GFPT2: variants seen among roughly 807,000 people sequenced by gnomAD.
The protein encoded by GFPT2 is glutamine--fructose-6-phosphate transaminase 2, also known as glutamine--fructose-6-phosphate aminotransferase [isomerizing] 2.
Under a neutral mutation model 85.6 loss-of-function variants are expected in GFPT2, and 62 were observed. The observed-to-expected ratio is 0.72, with a 90% confidence interval of 0.59 to 0.90. The LOEUF is 0.90. Among genes scored for constraint, GFPT2 ranks in the 40% least tolerant of loss-of-function variants. The pLI is 0.00. For synonymous variants in GFPT2, 368 were observed against 344.5 expected, an observed-to-expected ratio of 1.07 and a Z score of -0.75; for missense variants, 788 against 893.4, an observed-to-expected ratio of 0.88 and a Z score of 1.50.
chr5:180,310,832 C>CAAAAAAAAAA (rs3080055), intron 15 of GFPT2, among the ~76,000 whole-genome samples: 2 of 50,582 alleles, frequency 4.0e-5, no homozygotes, highest in Non-Finnish European at 3.3e-5. Context: ...TGGACACAGG[C>CAAAAAAAAAA]AAAAAAAAAA....
intron 1 of GFPT2, among the ~76,000 whole-genome samples, chr5:180,348,858 C>T (rs1764659202): frequency 6.6e-6 from 1 of 151,620 alleles, no homozygotes; most frequent in African/African-American, 2.4e-5. Flanking sequence ...TCTCCTGCCT[C>T]TCCTTCCCGA....
rs1764157806 is a variant in GFPT2 at position 180,323,370 on chromosome 5, G to C, written c.794+818C>G. 6.6e-6 allele frequency among the ~76,000 whole-genome samples: 1 copy of C among 152,088 alleles called. No individual in the cohort carries two copies. Among genetic ancestry groups the C allele is most frequent in the Admixed American group, 6.6e-5 (1 of 15,266 alleles). On this transcript the variant is annotated intron_variant, in intron 9 of 18. Transcript: ENST00000253778. The surrounding 1 kb of genome is among the most constrained non-coding windows in gnomAD (Gnocchi z 4.0). Reference sequence around the variant, plus strand: ...GGAGACCCGGCCTGGTGTCCTCCCTGCCTCACAGCACGGCCCTATTAGAGG... The same window carrying C: ...GGAGACCCGGCCTGGTGTCCTCCCTCCCTCACAGCACGGCCCTATTAGAGG...
In GFPT2 at chr5:180,318,328, G is replaced by A. The variant is rs1379064259; in HGVS notation, c.958+465C>T. On this transcript the variant is annotated intron_variant, in intron 10 of 18. Coordinates refer to ENST00000253778, the MANE Select transcript of GFPT2 (RefSeq NM_005110.4). The surrounding 1 kb of genome is among the most constrained non-coding windows in gnomAD (Gnocchi z 4.2). Reference sequence around the variant, plus strand: ...CTTGAGCAGCGGGATGATCACAGGGGCTGATTCATGTTCTTAGACGTTTGC... The same window carrying A: ...CTTGAGCAGCGGGATGATCACAGGGACTGATTCATGTTCTTAGACGTTTGC... Among the ~76,000 whole-genome samples the A allele has an allele frequency of 6.6e-6, 1 of 152,166 alleles. No homozygotes were observed. The highest frequency in any genetic ancestry group is 1.5e-5 in the Non-Finnish European group (1 of 68,024).
chr5:180,331,984 C>T (rs766919960), intron 4 of GFPT2, among the ~76,000 whole-genome samples: 2 of 152,208 alleles, frequency 1.3e-5, no homozygotes, highest in Non-Finnish European at 1.5e-5. Flanking sequence ...AGTCCAGCAC[C>T]GTGCTGTGTT....
chr5:180,307,350 T>G, intron 15 of GFPT2, 47 bp from the exon 16 acceptor site: 1 of 1,600,368 alleles, frequency 6.2e-7, no homozygotes, highest in Non-Finnish European at 8.6e-7. Flanking sequence ...AGGCCGACTT[T>G]AAAGCAATAT....
At chr5:180,350,240 T>A (rs1764688485) in intron 1 of GFPT2, among the ~76,000 whole-genome samples, 2 of 152,192 alleles carry the variant, frequency 1.3e-5, no homozygotes, top group Non-Finnish European at 2.9e-5. Context: ...ACCCAGGCCC[T>A]ATTTGGAAAT....
chr5:180,345,785 G>A (rs889414224), intron 1 of GFPT2, among the ~76,000 whole-genome samples: 1 of 152,144 alleles, frequency 6.6e-6, no homozygotes, highest in African/African-American at 2.4e-5. Context: ...GGTAGCCTTT[G>A]AGCTGGGTCT....
At chr5:180,335,231 G>A (rs922424904) in intron 4 of GFPT2, among the ~76,000 whole-genome samples, 1 of 152,218 alleles carries the variant, frequency 6.6e-6, no homozygotes, top group Non-Finnish European at 1.5e-5. Context: ...AGAACATGAA[G>A]CAAGCTGAGT....
chr5:180,307,975 G>A (rs1181855930), intron 15 of GFPT2, among the ~76,000 whole-genome samples: 1 of 152,154 alleles, frequency 6.6e-6, no homozygotes, highest in African/African-American at 2.4e-5. Context: ...AGCCGGGCGT[G>A]GTTGGGTGCG....
At chr5:180,349,098 A>G (rs1764662728) in intron 1 of GFPT2, among the ~76,000 whole-genome samples, 1 of 151,924 alleles carries the variant, frequency 6.6e-6, no homozygotes, top group Non-Finnish European at 1.5e-5. Context: ...AGTTTCACCA[A>G]AAACAAAGAG....
At chr5:180,337,172 C>T (rs1373801264) in intron 2 of GFPT2, among the ~76,000 whole-genome samples, 1 of 152,146 alleles carries the variant, frequency 6.6e-6, no homozygotes, top group African/African-American at 2.4e-5. Flanking sequence ...AGTTTAGGAT[C>T]GGCCGGGTGC....
intron 17 of GFPT2, among the ~76,000 whole-genome samples, chr5:180,303,901 T>C (rs1380932924): frequency 1.3e-5 from 2 of 152,170 alleles, no homozygotes; most frequent in East Asian, 3.9e-4. Flanking sequence ...GGATGGCGTC[T>C]GGCCCTGCTA....
chr5:180,338,468 AC>A lies in GFPT2; in HGVS notation c.115+24del, dbSNP rs778567754. 21 of 1,354,910 alleles carry A rather than the reference AC, an allele frequency of 1.5e-5. No individual in the cohort carries two copies. In the Middle Eastern group the frequency reaches 6.6e-4, roughly 43 times the overall value. The allele number at this position is 1,354,910 out of a possible 1,614,324, so 83.9% of individuals were successfully genotyped here. A position where few individuals can be genotyped will look rare whatever the true frequency, so the allele number is the denominator to read the frequency against. Reference sequence around the variant, plus strand: ...CAGCAGCGGAGCCCGGTCCCCAGCCACGAGGCGGGCGGCCGCACACCCACCT... The same window carrying A: ...CAGCAGCGGAGCCCGGTCCCCAGCCAGAGGCGGGCGGCCGCACACCCACCT... On this transcript the variant is annotated intron_variant, in intron 2 of 18. Transcript: ENST00000253778.
chr5:180,318,680 C>T lies in GFPT2; in HGVS notation c.958+113G>A. 1.1e-6 allele frequency: 1 copy of T among 894,470 alleles called. No homozygotes were observed. Among genetic ancestry groups the T allele is most frequent in the Non-Finnish European group, 1.7e-6 (1 of 576,954 alleles). The allele number at this position is 894,470 out of a possible 1,614,324, so 55.4% of individuals were successfully genotyped here. On this transcript the variant is annotated intron_variant, in intron 10 of 18. Transcript: ENST00000253778. This position sits in a 1 kb window ranked among gnomAD's most constrained non-coding sequence, Gnocchi z 4.2. The stretch of plus-strand genomic sequence containing the variant: ...GCTACCTGCAGCCCCGCCCTGGTGG[C>T]CACAGAGGGCAGGAGGGCTGTGGCC...
At chr5:180,304,680 C>A in intron 17 of GFPT2, 92 bp downstream of exon 17, 1 of 1,181,930 alleles carries the variant, frequency 8.5e-7, no homozygotes, top group South Asian at 1.4e-5. Flanking sequence ...CTGGCCAGAC[C>A]ATCCATCACT....
intron 13 of GFPT2, 72 bp downstream of exon 13, chr5:180,316,264 TAACTG>T (rs1764006921): frequency 6.8e-7 from 1 of 1,476,392 alleles, no homozygotes; most frequent in African/African-American, 1.4e-5. Context: ...GCAGAGGACT[TAACTG>T]AATGAAGGAG....
chr5:180,327,588 G>A (rs1764232252), intron 7 of GFPT2, among the ~76,000 whole-genome samples: 2 of 152,232 alleles, frequency 1.3e-5, no homozygotes, highest in South Asian at 2.1e-4. Context: ...CAACTGTTCA[G>A]CCCTTCAAGG....
intron 4 of GFPT2, among the ~76,000 whole-genome samples, chr5:180,335,598 G>T (rs1403295330): frequency 3.3e-5 from 5 of 152,262 alleles, no homozygotes; most frequent in African/African-American, 1.2e-4. Flanking sequence ...TCGTTTTCCT[G>T]TGCACTCCTG....
At chr5:180,345,292 T>C (rs1764584634) in intron 1 of GFPT2, among the ~76,000 whole-genome samples, 1 of 152,260 alleles carries the variant, frequency 6.6e-6, no homozygotes, top group Non-Finnish European at 1.5e-5. Flanking sequence ...AAGATTTAAT[T>C]CATCTGTAAG....
Sources: allele counts gnomAD v4.1 joint callset (sites outside exome capture counted in the v4.1 genomes callset), GRCh38; gene constraint gnomAD v4.1.1; non-coding constraint Gnocchi (gnomAD v3.1); transcripts MANE v1.5; gene names NCBI Gene and HGNC (gene_info 2026-07-23, HGNC 2026-07-21).